Variants in IQSEC1 observed in about 807,000 individuals in gnomAD.
IQSEC1 encodes the protein IQ motif and SEC7 domain-containing protein 1.
IQSEC1 carries 31 observed loss-of-function variants against 91.0 expected under a neutral mutation model. That is an observed-to-expected ratio of 0.34 (90% CI 0.26 to 0.46). The LOEUF (loss-of-function observed/expected upper bound fraction) is 0.46. Among genes scored for constraint, IQSEC1 ranks in the 20% least tolerant of loss-of-function variants. The probability of loss-of-function intolerance (pLI) is 1.00; values close to 1 mark genes in which losing one functional copy is unlikely to be tolerated. For missense variants in IQSEC1, 1,388 were observed against 1,575.6 expected (o/e 0.88, Z 2.02); for synonymous variants, 699 against 662.6 (o/e 1.05, Z -0.84).
chr3:12,982,969 G>T (rs945422856), intron 1 of IQSEC1, among the ~76,000 whole-genome samples: 2 of 152,266 alleles, frequency 1.3e-5, no homozygotes, highest in Non-Finnish European at 2.9e-5. Flanking sequence ...AGGCTGCAGA[G>T]GGAGGCCCTG....
intron 1 of IQSEC1, among the ~76,000 whole-genome samples, chr3:13,021,296 G>A (rs910642142): frequency 6.6e-6 from 1 of 152,124 alleles, no homozygotes; most frequent in Admixed American, 6.5e-5. Context: ...CCTCCCCAGG[G>A]GGCCAAGGAG....
chr3:13,048,359 C>T (rs1422874896), intron 1 of IQSEC1, among the ~76,000 whole-genome samples: 1 of 152,194 alleles, frequency 6.6e-6, no homozygotes, highest in Non-Finnish European at 1.5e-5. Flanking sequence ...TGTACCTGCC[C>T]ACCTGGGGAG....
chr3:13,045,231 A>G (rs1166148707), intron 1 of IQSEC1, among the ~76,000 whole-genome samples: 5 of 151,978 alleles, frequency 3.3e-5, no homozygotes, highest in Non-Finnish European at 7.4e-5. Flanking sequence ...CCACCCTCCC[A>G]TCTCTGTCTA....
chr3:13,020,561 T>G (rs1703353569), intron 1 of IQSEC1, among the ~76,000 whole-genome samples: 1 of 152,212 alleles, frequency 6.6e-6, no homozygotes, highest in Non-Finnish European at 1.5e-5. Flanking sequence ...ACTTGGCAAT[T>G]TTTACCCCAA....
chr3:13,188,235 T>C (rs1693965980), intron 1 of IQSEC1, among the ~76,000 whole-genome samples: 1 of 152,200 alleles, frequency 6.6e-6, no homozygotes, highest in South Asian at 2.1e-4. Context: ...CTGAGAACTG[T>C]CTCCTGACCA....
chr3:13,025,555 CTCTG>C (rs1703580685), intron 1 of IQSEC1, among the ~76,000 whole-genome samples: 1 of 152,168 alleles, frequency 6.6e-6, no homozygotes, highest in Non-Finnish European at 1.5e-5. Flanking sequence ...GTCAGTGAGC[CTCTG>C]TCTGGCCTCT....
intron 1 of IQSEC1, among the ~76,000 whole-genome samples, chr3:12,989,898 C>T (rs1701910063): frequency 6.6e-6 from 1 of 152,212 alleles, no homozygotes; most frequent in African/African-American, 2.4e-5. Flanking sequence ...GTCCGGCTCT[C>T]TGACCTAAAG....
rs138921363 is a variant in IQSEC1 at position 12,968,169 on chromosome 3, A to T, written c.24-26304T>A. 1.3e-3 allele frequency among the ~76,000 whole-genome samples: 198 copies of T among 152,290 alleles called. 1 individual carries two copies. Among genetic ancestry groups the T allele is most frequent in the African/African-American group, 4.5e-3 (187 of 41,552 alleles). On this transcript the variant is annotated intron_variant, in intron 1 of 13. Transcript: ENST00000613206. ...GCTGATGCCTACTCAACATCTGCCT[A>T]TCCCGATTTTGCCTTCAGTTTATAA...
chr3:12,950,065 T>C (rs1181514559), intron 1 of IQSEC1, among the ~76,000 whole-genome samples: 5 of 152,216 alleles, frequency 3.3e-5, no homozygotes, highest in South Asian at 2.1e-4. Flanking sequence ...TATGCCACTA[T>C]GCGACGGGGG....
chr3:13,179,842 A>G lies in IQSEC1; in HGVS notation c.273-15709T>C, dbSNP rs1051512923. ...TGGGCATGGGCTCGGCGGGCCCTGC[A>G]CTCAGAACGGCTGGCTGGCCCCGCC... On this transcript the variant is annotated intron_variant, in intron 1 of 15. Coordinates refer to the IQSEC1 transcript ENST00000648114. 5.3e-5 allele frequency among the ~76,000 whole-genome samples: 8 copies of G among 152,258 alleles called. No individual in the cohort carries two copies. In the East Asian group the frequency reaches 1.5e-3, roughly 29 times the overall value.
At chr3:13,257,581 C>T (rs1442021151) in intron 1 of IQSEC1, among the ~76,000 whole-genome samples, 1 of 152,172 alleles carries the variant, frequency 6.6e-6, no homozygotes, top group Non-Finnish European at 1.5e-5. Flanking sequence ...ACATCTTCCT[C>T]GTTTGAGCTC....
At chr3:13,179,446 G>C (rs1470288952) in intron 1 of IQSEC1, among the ~76,000 whole-genome samples, 5 of 152,238 alleles carry the variant, frequency 3.3e-5, no homozygotes, top group African/African-American at 4.8e-5. Context: ...AATGAAAACT[G>C]TCAACCCACA....
intron 1 of IQSEC1, among the ~76,000 whole-genome samples, chr3:13,227,640 G>T (rs915777424): frequency 1.1e-4 from 16 of 152,070 alleles, no homozygotes; most frequent in African/African-American, 1.7e-4. Context: ...AGAGCAGGGG[G>T]ACCGTTCTTA....
At chr3:13,223,457 A>C (rs1227750799) in intron 1 of IQSEC1, among the ~76,000 whole-genome samples, 2 of 152,170 alleles carry the variant, frequency 1.3e-5, no homozygotes, top group East Asian at 3.9e-4. Context: ...CACCCAGCAG[A>C]GTCCTCCCTG....
chr3:13,054,632 G>A (rs762124852), intron 1 of IQSEC1, among the ~76,000 whole-genome samples: 25 of 152,222 alleles, frequency 1.6e-4, no homozygotes, highest in African/African-American at 5.3e-4. Context: ...TGAGCTCAGG[G>A]ACGGGATGCA....
At chr3:12,919,883 T>C (rs1696455443) in intron 6 of IQSEC1, among the ~76,000 whole-genome samples, 1 of 152,064 alleles carries the variant, frequency 6.6e-6, no homozygotes, top group Non-Finnish European at 1.5e-5. Flanking sequence ...GCCTGTAGAC[T>C]CCGCACCAAC....
intron 1 of IQSEC1, among the ~76,000 whole-genome samples, chr3:13,052,394 C>A (rs930242490): frequency 6.6e-6 from 1 of 152,254 alleles, no homozygotes; most frequent in African/African-American, 2.4e-5. Flanking sequence ...TGCCTCTCTG[C>A]TGAGCAGTGC....
rs903185662 is a variant in IQSEC1, at chr3:12,992,164, C to T, written c.24-50299G>A. Among the ~76,000 whole-genome samples, 3 of 152,118 alleles carry T rather than the reference C, an allele frequency of 2.0e-5. No homozygotes were observed. The highest frequency in any genetic ancestry group is 2.9e-5 in the Non-Finnish European group (2 of 68,010). ...CTGGAGAGCTGGGGACAGGGCCCCTCGGCTCTGAATACGCTGTGTGACCTT... is the reference window on the plus strand; with the variant it reads ...CTGGAGAGCTGGGGACAGGGCCCCTTGGCTCTGAATACGCTGTGTGACCTT... On this transcript the variant is annotated intron_variant, in intron 1 of 13. Coordinates refer to ENST00000613206, the MANE Select transcript of IQSEC1 (RefSeq NM_001134382.3). This position sits in a 1 kb window ranked among gnomAD's most constrained non-coding sequence, Gnocchi z 4.1.
chr3:12,918,393 T>G (rs567762479), intron 6 of IQSEC1, among the ~76,000 whole-genome samples: 197 of 152,334 alleles, frequency 1.3e-3, no homozygotes, highest in Admixed American at 5.0e-3. Flanking sequence ...AGGTACAGAC[T>G]GGCCGCCACC....
Sources: allele counts gnomAD v4.1 joint callset (sites outside exome capture counted in the v4.1 genomes callset), GRCh38; gene constraint gnomAD v4.1.1; non-coding constraint Gnocchi (gnomAD v3.1); transcripts MANE v1.5; gene names NCBI Gene and HGNC (gene_info 2026-07-23, HGNC 2026-07-21).